UPP2: variants seen among roughly 807,000 people sequenced by gnomAD.
UPP2 encodes uridine phosphorylase 2, also known as UPase 2.
In UPP2, 23 loss-of-function variants were observed where a neutral mutation model predicts 26.7. The ratio of observed to expected loss-of-function variants is 0.86; its 90% confidence interval spans 0.62 to 1.22. UPP2 has a LOEUF of 1.22. UPP2 is among the 50% of genes most tolerant of loss of function. The pLI, the probability that UPP2 is intolerant of heterozygous loss-of-function variation, is 0.00. For missense variants in UPP2, 387 were observed against 396.7 expected (o/e 0.98, Z 0.21); for synonymous variants, 127 against 141.3 (o/e 0.90, Z 0.72).
chr2:158,121,931 A>G (rs1438601935), intron 5 of UPP2, among the ~76,000 whole-genome samples: 1 of 151,998 alleles, frequency 6.6e-6, no homozygotes, highest in Non-Finnish European at 1.5e-5. Context: ...AAGAGAAGGG[A>G]AGTATGCTGA....
rs1264430487 is a variant in UPP2 at position 158,134,981 on chromosome 2, T to C, written c.*91T>C. 8 of 1,446,454 alleles carry C rather than the reference T, an allele frequency of 5.5e-6. 1 individual carries two copies. The highest frequency in any genetic ancestry group is 4.6e-6 in the Non-Finnish European group (5 of 1,083,760). 89.6% of individuals were successfully genotyped at this position (1,446,454 alleles called of 1,614,324 possible). A position where few individuals can be genotyped will look rare whatever the true frequency, so the allele number is the denominator to read the frequency against. On this transcript the variant is annotated 3_prime_UTR_variant, in exon 7 of 7. Coordinates refer to ENST00000005756, the MANE Select transcript of UPP2 (RefSeq NM_173355.4). Reference sequence around the variant, plus strand: ...ATATTTTATTTGTGGCATTTTTATATAGTTCTCATCCACATGCTAAATGGA... The same window carrying C: ...ATATTTTATTTGTGGCATTTTTATACAGTTCTCATCCACATGCTAAATGGA...
chr2:158,124,403 A>AAG (rs1683647820), intron 6 of UPP2, among the ~76,000 whole-genome samples: 1 of 152,148 alleles, frequency 6.6e-6, no homozygotes, highest in Non-Finnish European at 1.5e-5. Flanking sequence ...GGGGAGAGGC[A>AAG]GTGGTGGAGA....
At chr2:158,114,990 G>T (rs964126134) in intron 2 of UPP2, 111 bp from the exon 3 acceptor site, 1 of 1,056,084 alleles carries the variant, frequency 9.5e-7, no homozygotes, top group Non-Finnish European at 1.3e-6. Flanking sequence ...ACATCTACAC[G>T]TGTTCTTAAG....
chr2:158,107,929 G>A (rs984284539), intron 2 of UPP2, among the ~76,000 whole-genome samples: 1 of 152,112 alleles, frequency 6.6e-6, no homozygotes, highest in Non-Finnish European at 1.5e-5. Flanking sequence ...TATGCTCCAA[G>A]AGTCATTGAT....
intron 3 of UPP2, among the ~76,000 whole-genome samples, chr2:158,030,778 G>A (rs1683909617): frequency 6.6e-6 from 1 of 152,182 alleles, no homozygotes; most frequent in Non-Finnish European, 1.5e-5. Context: ...ACTTCTCTAA[G>A]AAGCCTTCAG....
chr2:158,101,901 A>G lies in UPP2; in HGVS notation c.-163A>G. On this transcript the variant is annotated 5_prime_UTR_variant, in exon 1 of 7. Transcript: ENST00000005756. ...ATAGGAAAATTTAAAATGCTAAAGG[A>G]AAAATTTTCTTAGCAATTTCACAGG... is the stretch of plus-strand genomic sequence containing the variant. 7.4e-7 allele frequency: 1 copy of G among 1,356,674 alleles called. No homozygotes were observed. Among genetic ancestry groups the G allele is most frequent in the South Asian group, 2.0e-5 (1 of 48,796 alleles). 84.0% of individuals were successfully genotyped at this position (1,356,674 alleles called of 1,614,324 possible). A position where few individuals can be genotyped will look rare whatever the true frequency, so the allele number is the denominator to read the frequency against.
intron 3 of UPP2, among the ~76,000 whole-genome samples, chr2:158,035,113 C>G (rs947738479): frequency 6.6e-5 from 10 of 151,486 alleles, no homozygotes; most frequent in African/African-American, 2.4e-4. Context: ...ACAGAGGATA[C>G]GTAGAGATAT....
chr2:158,134,965 T>C lies in UPP2; in HGVS notation c.*75T>C, dbSNP rs1181236751. On this transcript the variant is annotated 3_prime_UTR_variant, in exon 7 of 7. Transcript: ENST00000005756. ...TTGTAATGTGAAAGTCATATTTTAT[T>C]TGTGGCATTTTTATATAGTTCTCAT... is the stretch of plus-strand genomic sequence containing the variant. The C allele has an allele frequency of 1.7e-5, 25 of 1,485,430 alleles. No individual in the cohort carries two copies. The highest frequency in any genetic ancestry group is 4.8e-5 in the East Asian group (2 of 41,294). The allele number at this position is 1,485,430 out of a possible 1,614,324, so 92.0% of individuals were successfully genotyped here. A position where few individuals can be genotyped will look rare whatever the true frequency, so the allele number is the denominator to read the frequency against.
At chr2:158,094,060 C>T (rs537386316) in intron 3 of UPP2, among the ~76,000 whole-genome samples, 13 of 151,266 alleles carry the variant, frequency 8.6e-5, no homozygotes, top group East Asian at 3.9e-4. Context: ...CATACACACA[C>T]GCACACACCT....
chr2:158,054,309 GA>G (rs1682210422), intron 3 of UPP2, among the ~76,000 whole-genome samples: 1 of 149,622 alleles, frequency 6.7e-6, no homozygotes, highest in African/African-American at 2.4e-5. Context: ...GTGCAAGAGG[GA>G]AAAATATAGC....
intron 1 of UPP2, among the ~76,000 whole-genome samples, chr2:158,104,779 G>A (rs1683144864): frequency 6.6e-6 from 1 of 151,930 alleles, no homozygotes; most frequent in Non-Finnish European, 1.5e-5. Flanking sequence ...AACATTAGCT[G>A]GGTATGGTGG....
At chr2:158,071,239 C>G (rs1202911886) in intron 3 of UPP2, among the ~76,000 whole-genome samples, 1 of 152,112 alleles carries the variant, frequency 6.6e-6, no homozygotes, top group Non-Finnish European at 1.5e-5. Flanking sequence ...CCCACAACCC[C>G]AGGCAGTGCA....
chr2:158,058,248 G>T (rs900550966), intron 3 of UPP2, among the ~76,000 whole-genome samples: 3 of 146,796 alleles, frequency 2.0e-5, no homozygotes, highest in Non-Finnish European at 4.5e-5. Context: ...AGCCGAGATT[G>T]TGCCACTGCA....
intron 3 of UPP2, chr2:158,065,892 C>A: frequency 1.6e-6 from 1 of 614,408 alleles, no homozygotes; most frequent in Non-Finnish European, 3.0e-6. Flanking sequence ...ACTTGTTGCC[C>A]TAGCATTAAT....
In UPP2 at chr2:158,131,037, C is replaced by T. The variant is rs139297054; in HGVS notation, c.812-3711C>T. 2.2e-3 allele frequency among the ~76,000 whole-genome samples: 341 copies of T among 152,216 alleles called. 1 individual carries two copies. Among genetic ancestry groups the T allele is most frequent in the Non-Finnish European group, 4.0e-3 (270 of 68,008 alleles). ...CAATAGCCTGAGATTAATGTTTCAGCGGAGATACAGGAAGTGCAAAGACTC... is the reference window on the plus strand; with the variant it reads ...CAATAGCCTGAGATTAATGTTTCAGTGGAGATACAGGAAGTGCAAAGACTC... On this transcript the variant is annotated intron_variant, in intron 6 of 6. Transcript: ENST00000005756.
intron 2 of UPP2, among the ~76,000 whole-genome samples, chr2:158,001,957 C>CAA (rs200818827): frequency 0.28 from 18,236 of 64,662 alleles, 3,014 homozygotes; most frequent in East Asian, 0.38. Context: ...GAATGAGCAC[C>CAA]AAAAAAAAAA....
At chr2:158,097,774 G>T (rs200666283), upstream of UPP2, among the ~76,000 whole-genome samples, 86 of 152,246 alleles carry the variant, frequency 5.6e-4, 1 homozygote, top group East Asian at 0.015. Context: ...AATTGTGGAG[G>T]GAAACACCCT....
intron 1 of UPP2, among the ~76,000 whole-genome samples, chr2:158,102,554 A>G (rs1481894873): frequency 6.7e-6 from 1 of 150,310 alleles, no homozygotes; most frequent in African/African-American, 2.5e-5. Context: ...GTGATTTCAT[A>G]TGCTTCATGA....
intron 2 of UPP2, among the ~76,000 whole-genome samples, chr2:158,002,581 C>T (rs1338857968): frequency 6.6e-6 from 1 of 152,194 alleles, no homozygotes; most frequent in Non-Finnish European, 1.5e-5. Flanking sequence ...TGATTCAGAC[C>T]GTATTGAAGG....
Sources: allele counts gnomAD v4.1 joint callset (sites outside exome capture counted in the v4.1 genomes callset), GRCh38; gene constraint gnomAD v4.1.1; transcripts MANE v1.5; gene names NCBI Gene and HGNC (gene_info 2026-07-23, HGNC 2026-07-21).